Variants in SKAP1 observed in about 807,000 individuals in gnomAD.
SKAP1 encodes src kinase-associated phosphoprotein 1.
Under a neutral mutation model 58.5 loss-of-function variants are expected in SKAP1, and 44 were observed. The ratio of observed to expected loss-of-function variants is 0.75; its 90% confidence interval spans 0.59 to 0.97. SKAP1 has a LOEUF of 0.97. Ranked by LOEUF, SKAP1 falls within the 50% of genes least tolerant of loss-of-function variation. The pLI, the probability that SKAP1 is intolerant of heterozygous loss-of-function variation, is 0.00. For synonymous variants in SKAP1, 127 were observed against 149.7 expected (o/e 0.85, Z 1.11); for missense variants, 390 against 435.2 (o/e 0.90, Z 0.92).
intron 4 of SKAP1, chr17:48,295,523 T>C (rs367759717): frequency 1.3e-5 from 2 of 152,130 alleles, no homozygotes; most frequent in East Asian, 3.9e-4. Flanking sequence ...TCTTTTACAA[T>C]AAGCTTGCCG....
intron 9 of SKAP1, among the ~76,000 whole-genome samples, chr17:48,178,168 TGA>T (rs2064317350): frequency 6.6e-6 from 1 of 152,124 alleles, no homozygotes. Context: ...TGGGGTAAGG[TGA>T]CAGTCCCAAA....
chr17:48,183,129 C>T (rs1010793533), intron 7 of SKAP1, among the ~76,000 whole-genome samples: 6 of 152,218 alleles, frequency 3.9e-5, no homozygotes, highest in Admixed American at 1.3e-4. Context: ...ATGCAGGCAA[C>T]AGGAAGCCAC....
At chr17:48,389,389 G>A (rs2067317861) in intron 2 of SKAP1, among the ~76,000 whole-genome samples, 1 of 152,238 alleles carries the variant, frequency 6.6e-6, no homozygotes, top group African/African-American at 2.4e-5. Flanking sequence ...AAGCACTGCT[G>A]AGAGTTTTGA....
At position 48,209,281 on chromosome 17, in the gene SKAP1, T is replaced by G. The variant is rs566438423; in HGVS notation, c.281-19781A>C. ...ATTATTATACATTTATGTGGGGCTTTAAAATTTTTTAGAGCACTGTCAAAC... is the reference window on the plus strand; with the variant it reads ...ATTATTATACATTTATGTGGGGCTTGAAAATTTTTTAGAGCACTGTCAAAC... On this transcript the variant is annotated intron_variant, in intron 4 of 12. Transcript: ENST00000336915. Among the ~76,000 whole-genome samples, 162 of 152,334 alleles carry G rather than the reference T, an allele frequency of 1.1e-3. 2 individuals carry two copies. Among genetic ancestry groups the G allele is most frequent in the African/African-American group, 3.9e-3 (161 of 41,570 alleles).
intron 4 of SKAP1, among the ~76,000 whole-genome samples, chr17:48,258,450 C>G (rs947873373): frequency 2.6e-5 from 4 of 152,100 alleles, no homozygotes; most frequent in Admixed American, 2.0e-4. Flanking sequence ...GATCTGGAAG[C>G]CTTCCTTAAA....
At chr17:48,245,232 A>G (rs1445326719) in intron 4 of SKAP1, among the ~76,000 whole-genome samples, 1 of 152,202 alleles carries the variant, frequency 6.6e-6, no homozygotes, top group East Asian at 1.9e-4. Flanking sequence ...TTTCTGGGAT[A>G]TAAGATTACA....
rs756884591 is a variant in SKAP1, at chr17:48,182,413, T to C, written c.612A>G (p.Gln204=). 9.9e-6 allele frequency: 16 copies of C among 1,609,400 alleles called. No homozygotes were observed. In the South Asian group the frequency reaches 1.8e-4, roughly 18 times the overall value. Residue 204 remains glutamine, a synonymous_variant, in exon 8 of 13, where the codon CAA becomes CAG. Transcript: ENST00000336915. ...SPAEARDWVD[Q]ISFLLKDLSS... Reference sequence around the variant, plus strand: ...ACTTACCCTTTAACAAGAAACTTATTTGATCCACCCAGTCTCTGGCTTCTG... The same window carrying C: ...ACTTACCCTTTAACAAGAAACTTATCTGATCCACCCAGTCTCTGGCTTCTG...
At chr17:48,299,070 G>A (rs1187648199) in intron 4 of SKAP1, among the ~76,000 whole-genome samples, 1 of 152,154 alleles carries the variant, frequency 6.6e-6, no homozygotes, top group Non-Finnish European at 1.5e-5. Context: ...TTCTCTAGAC[G>A]AAAAGCACCA....
At chr17:48,280,834 G>A (rs951316898) in intron 4 of SKAP1, among the ~76,000 whole-genome samples, 1 of 152,074 alleles carries the variant, frequency 6.6e-6, no homozygotes, top group Admixed American at 6.5e-5. Context: ...CCATGTAGTT[G>A]TGTGTATCAG....
At chr17:48,144,522 C>T (rs1010739251) in intron 11 of SKAP1, among the ~76,000 whole-genome samples, 7 of 152,150 alleles carry the variant, frequency 4.6e-5, no homozygotes, top group African/African-American at 1.7e-4. Flanking sequence ...CAACATTAAA[C>T]TCACAGCAAT....
Position 48,396,797 on chromosome 17 carries a change from G to T in SKAP1, c.47-12C>A, listed in dbSNP as rs895139598. 1 of 1,595,058 alleles carries T rather than the reference G, an allele frequency of 6.3e-7. No individual in the cohort carries two copies. The highest frequency in any genetic ancestry group is 1.1e-5 in the South Asian group (1 of 90,444). On this transcript the variant is annotated splice_polypyrimidine_tract_variant and intron_variant, in intron 1 of 12. Transcript: ENST00000336915. ...AAACTCTTCAGCATCTAAAAGAAAA[G>T]GAAAGTTGATAAAACAGAAAAGATG...
chr17:48,135,271 C>A (rs1034478023), intron 12 of SKAP1, among the ~76,000 whole-genome samples: 38 of 152,070 alleles, frequency 2.5e-4, no homozygotes, highest in African/African-American at 8.7e-4. Context: ...CCATTCTTTA[C>A]CCCCAGCAGT....
intron 4 of SKAP1, among the ~76,000 whole-genome samples, chr17:48,190,185 C>A (rs1248828593): frequency 6.6e-6 from 1 of 150,852 alleles, no homozygotes; most frequent in Non-Finnish European, 1.5e-5. Flanking sequence ...TGGCTCACTG[C>A]AAGCTCCATC....
At chr17:48,441,107 A>G in the SKAP1 span, among the ~76,000 whole-genome samples, 1 of 152,194 alleles carries the variant, frequency 6.6e-6, no homozygotes, top group Non-Finnish European at 1.5e-5. Context: ...TAGTGTTCTA[A>G]AAAACAAAAA....
At chr17:48,339,653 T>C (rs1316050439) in intron 4 of SKAP1, among the ~76,000 whole-genome samples, 1 of 152,172 alleles carries the variant, frequency 6.6e-6, no homozygotes, top group Admixed American at 6.5e-5. Context: ...ATTATGCACA[T>C]TTTACTCCAA....
chr17:48,221,708 G>C (rs2065008298), intron 4 of SKAP1, among the ~76,000 whole-genome samples: 1 of 152,162 alleles, frequency 6.6e-6, no homozygotes, highest in South Asian at 2.1e-4. Flanking sequence ...AATAATTGTG[G>C]GATCAGAATT....
intron 6 of SKAP1, among the ~76,000 whole-genome samples, chr17:48,186,968 T>C (rs2064463119): frequency 6.6e-6 from 1 of 152,176 alleles, no homozygotes; most frequent in African/African-American, 2.4e-5. Flanking sequence ...TGTACGAAGG[T>C]GCACAGTACA....
chr17:48,332,489 T>TA (rs1238954891), intron 4 of SKAP1, among the ~76,000 whole-genome samples: 1 of 152,094 alleles, frequency 6.6e-6, no homozygotes, highest in African/African-American at 2.4e-5. Flanking sequence ...TATTTCATTT[T>TA]AAAAGGATAG....
chr17:48,261,867 A>C (rs1380313401), intron 4 of SKAP1, among the ~76,000 whole-genome samples: 2 of 85,272 alleles, frequency 2.3e-5, no homozygotes, highest in Non-Finnish European at 4.9e-5. Flanking sequence ...AAAGTTCTGT[A>C]AAAGCTCCCC....
Sources: allele counts gnomAD v4.1 joint callset (sites outside exome capture counted in the v4.1 genomes callset), GRCh38; gene constraint gnomAD v4.1.1; transcripts MANE v1.5; gene names NCBI Gene and HGNC (gene_info 2026-07-23, HGNC 2026-07-21).